The following RECK variants were observed in gnomAD, a reference collection of about 807,000 sequenced individuals.
RECK encodes reversion inducing cysteine rich protein with kazal motifs.
A neutral mutation model predicts 115.1 loss-of-function variants in RECK; 69 were observed. The ratio of observed to expected loss-of-function variants is 0.60; its 90% CI spans 0.49 to 0.73. The LOEUF (loss-of-function observed/expected upper bound fraction) is 0.73, where lower values mean the gene tolerates loss of function less well. Among genes scored for constraint, RECK ranks in the 30% least tolerant of loss-of-function variants. The pLI is 0.00. For synonymous variants in RECK, 414 were observed against 419.7 expected (o/e 0.99, Z 0.17); for missense variants, 1,047 against 1,203.7 (o/e 0.87, Z 1.93).
chr9:36,113,769 A>G (rs1255000805), intron 16 of RECK, among the ~76,000 whole-genome samples: 2 of 152,350 alleles, frequency 1.3e-5, no homozygotes, highest in East Asian at 3.9e-4. Flanking sequence ...AGAAAGATCA[A>G]CCTAATATCA....
chr9:36,087,723 C>G lies in RECK; in HGVS notation c.667C>G (p.His223Asp), dbSNP rs1001596570. Residue 223 changes from histidine (H) to aspartate (D), a missense_variant, in exon 9 of 21, where the codon CAT (histidine) becomes GAT (aspartate). By Grantham distance (81) the His-to-Asp change is moderately conservative. Transcript: ENST00000377966. ...ATATTGCTGTGACAGAGCTGAAGAC[C>G]ATGCTTGCCAAAATGCCTGCAAGAG... ...SLYCCDRAEDHACQNACKRIL... is the reference protein window; with the variant it reads ...SLYCCDRAEDDACQNACKRIL... The G allele has an allele frequency of 1.2e-6, 2 of 1,613,832 alleles. No individual in the cohort carries two copies. The highest frequency in any genetic ancestry group is 2.7e-5 in the African/African-American group (2 of 74,906).
intron 1 of RECK, among the ~76,000 whole-genome samples, chr9:36,048,806 A>C (rs1366259115): frequency 3.3e-5 from 5 of 152,136 alleles, no homozygotes; most frequent in Admixed American, 2.0e-4. Context: ...TTTTACTTCC[A>C]ACTGGATATA....
chr9:36,044,366 G>A (rs1449385009), intron 1 of RECK, among the ~76,000 whole-genome samples: 1 of 152,054 alleles, frequency 6.6e-6, no homozygotes, highest in African/African-American at 2.4e-5. Flanking sequence ...TCAGATCTGG[G>A]AGCTTTTTGG....
intron 1 of RECK, among the ~76,000 whole-genome samples, chr9:36,043,171 C>T (rs1189259190): frequency 8.2e-5 from 12 of 146,656 alleles, no homozygotes; most frequent in Non-Finnish European, 1.6e-4. Flanking sequence ...ACTACAGGCG[C>T]CTGCCACCAC....
At chr9:36,106,501 G>C (rs1823825112) in intron 13 of RECK, among the ~76,000 whole-genome samples, 1 of 151,712 alleles carries the variant, frequency 6.6e-6, no homozygotes, top group Non-Finnish European at 1.5e-5. Flanking sequence ...GCCTCTCAGA[G>C]TGCTGGGATT....
intron 16 of RECK, among the ~76,000 whole-genome samples, chr9:36,115,959 GC>G (rs1824243018): frequency 6.6e-6 from 1 of 152,030 alleles, no homozygotes; most frequent in African/African-American, 2.4e-5. Flanking sequence ...ATCATCCCTA[GC>G]CCCTCTGAAG....
chr9:36,074,451 T>C (rs533728404), intron 6 of RECK, among the ~76,000 whole-genome samples: 1 of 152,272 alleles, frequency 6.6e-6, no homozygotes, highest in East Asian at 1.9e-4. Flanking sequence ...ATCCAAATAG[T>C]CCATTACAAT....
At chr9:36,047,521 A>G (rs1295495638) in intron 1 of RECK, among the ~76,000 whole-genome samples, 1 of 152,128 alleles carries the variant, frequency 6.6e-6, no homozygotes, top group Non-Finnish European at 1.5e-5. Context: ...CTGAAGCACA[A>G]GAATCACTTG....
chr9:36,108,282 C>A, intron 14 of RECK, 118 bp downstream of exon 14: 6 of 697,596 alleles, frequency 8.6e-6, no homozygotes, highest in Admixed American at 3.4e-5. Flanking sequence ...TACTCCAGGG[C>A]AGTATTTTTC....
intron 10 of RECK, among the ~76,000 whole-genome samples, chr9:36,093,043 G>A (rs1823221401): frequency 6.6e-6 from 1 of 152,154 alleles, no homozygotes; most frequent in Non-Finnish European, 1.5e-5. Context: ...CTGGGCAGAC[G>A]ATTTAGAATT....
At chr9:36,046,430 G>A (rs1025435447) in intron 1 of RECK, among the ~76,000 whole-genome samples, 4 of 152,176 alleles carry the variant, frequency 2.6e-5, no homozygotes. Context: ...AATATGCAAC[G>A]TTAAAGATTC....
chr9:36,042,423 A>AGTGTGTGTGTGTGTGTGT (rs35193636), intron 1 of RECK, among the ~76,000 whole-genome samples: 2 of 144,364 alleles, frequency 1.4e-5, no homozygotes, highest in Non-Finnish European at 3.0e-5. Context: ...AGTATTCCAT[A>AGTGTGTGTGTGTGTGTGT]GTGTGTGTGT....
intron 15 of RECK, among the ~76,000 whole-genome samples, chr9:36,111,987 G>T (rs911346959): frequency 6.6e-6 from 1 of 151,410 alleles, no homozygotes; most frequent in African/African-American, 2.4e-5. Flanking sequence ...GCTGGGCGTG[G>T]TGGCATGCGC....
At chr9:36,065,669 A>G (rs1377693305) in intron 6 of RECK, 45 bp downstream of exon 6, 1 of 1,368,894 alleles carries the variant, frequency 7.3e-7, no homozygotes, top group Non-Finnish European at 9.7e-7. Context: ...TTCAGATGTT[A>G]TCAGAATTAA....
At chr9:36,040,670 G>T (rs7025431) in intron 1 of RECK, among the ~76,000 whole-genome samples, 15 of 152,062 alleles carry the variant, frequency 9.9e-5, no homozygotes, top group African/African-American at 3.6e-4. Flanking sequence ...TGACTAGAAG[G>T]CCATTGCAGT....
intron 8 of RECK, among the ~76,000 whole-genome samples, chr9:36,086,349 A>G (rs1012057864): frequency 1.3e-5 from 2 of 152,060 alleles, no homozygotes; most frequent in African/African-American, 4.8e-5. Context: ...GAGTGAAGCC[A>G]CAGACCTTCG....
chr9:36,078,742 G>T (rs532538948), intron 6 of RECK, among the ~76,000 whole-genome samples: 1 of 151,860 alleles, frequency 6.6e-6, no homozygotes, highest in Non-Finnish European at 1.5e-5. Context: ...CAGGTACAAG[G>T]TCAAAAAAAG....
At chr9:36,072,354 T>G (rs1822264300) in intron 6 of RECK, among the ~76,000 whole-genome samples, 1 of 152,178 alleles carries the variant, frequency 6.6e-6, no homozygotes, top group Non-Finnish European at 1.5e-5. Flanking sequence ...ACCAACAGGA[T>G]TCTCTGGACA....
intron 2 of RECK, among the ~76,000 whole-genome samples, chr9:36,054,727 G>A (rs939263240): frequency 6.6e-6 from 1 of 151,780 alleles, no homozygotes; most frequent in Admixed American, 6.6e-5. Context: ...TTACAGTTAT[G>A]TAATTTTTTG....
Sources: allele counts gnomAD v4.1 joint callset (sites outside exome capture counted in the v4.1 genomes callset), GRCh38; gene constraint gnomAD v4.1.1; transcripts MANE v1.5; gene names NCBI Gene and HGNC (gene_info 2026-07-23, HGNC 2026-07-21).